Variants in RASSF8 observed in about 807,000 individuals in gnomAD.
RASSF8 encodes the protein ras association domain-containing protein 8.
Under a neutral mutation model 48.5 loss-of-function variants are expected in RASSF8, and 22 were observed. That is an observed-to-expected ratio of 0.45 (90% CI 0.32 to 0.65). RASSF8 has a LOEUF of 0.65. Ranked by LOEUF, RASSF8 falls within the 30% of genes least tolerant of loss-of-function variation. RASSF8 has a pLI of 0.03. For synonymous variants in RASSF8, 127 were observed against 171.5 expected, an observed-to-expected ratio of 0.74 and a Z score of 2.03; for missense variants, 418 against 489.2, an observed-to-expected ratio of 0.85 and a Z score of 1.37.
intron 1 of RASSF8, among the ~76,000 whole-genome samples, chr12:25,977,838 GTC>G (rs1941644655): frequency 6.6e-6 from 1 of 152,196 alleles, no homozygotes; most frequent in Non-Finnish European, 1.5e-5. Flanking sequence ...ACACCAAACA[GTC>G]TGTGGAATTC....
intron 2 of RASSF8, among the ~76,000 whole-genome samples, chr12:26,043,405 G>A (rs535212053): frequency 1.3e-5 from 2 of 152,330 alleles, no homozygotes; most frequent in South Asian, 4.1e-4. Context: ...TTAAGGGGTA[G>A]CACATCAGTA....
chr12:26,040,894 T>G (rs1326268691), intron 2 of RASSF8, among the ~76,000 whole-genome samples: 2 of 151,084 alleles, frequency 1.3e-5, no homozygotes, highest in Admixed American at 6.6e-5. Context: ...ATACATAGTT[T>G]TTTTTTTTTT....
chr12:26,073,959 T>G (rs1047847796), downstream of RASSF8, among the ~76,000 whole-genome samples: 2 of 148,084 alleles, frequency 1.4e-5, no homozygotes, highest in African/African-American at 5.0e-5. Flanking sequence ...TCTATATATA[T>G]AGAGAGAGAG....
chr12:25,980,575 A>G (rs1941717781), intron 1 of RASSF8, among the ~76,000 whole-genome samples: 1 of 152,208 alleles, frequency 6.6e-6, no homozygotes, highest in Non-Finnish European at 1.5e-5. Flanking sequence ...ATGTTGGCCA[A>G]ACAAAACACT....
chr12:26,079,430 A>C, exon 6 of RASSF8: 1 of 158,668 alleles, frequency 6.3e-6, no homozygotes, highest in Non-Finnish European at 1.4e-5. Flanking sequence ...TCTCTACTAA[A>C]AATATGAAAC....
chr12:26,002,651 T>C (rs1280989568), intron 2 of RASSF8, among the ~76,000 whole-genome samples: 1 of 152,152 alleles, frequency 6.6e-6, no homozygotes, highest in Non-Finnish European at 1.5e-5. Flanking sequence ...GGCGCACACC[T>C]GTAATTTCAG....
chr12:26,069,366 A>G lies in RASSF8; in HGVS notation c.*548A>G, dbSNP rs907267147. The G allele has an allele frequency of 1.1e-4, 109 of 984,912 alleles. No individual in the cohort carries two copies. Among genetic ancestry groups the G allele is most frequent in the Middle Eastern group, 1.0e-3 (2 of 1,936 alleles). 61.0% of individuals were successfully genotyped at this position (984,912 alleles called of 1,614,324 possible). On this transcript the variant is annotated 3_prime_UTR_variant, in exon 6 of 6. Coordinates refer to ENST00000689635, the MANE Select transcript of RASSF8 (RefSeq NM_001394098.1). ...ATCGAAGCTAACTCCACAGGAAGCC[A>G]CTTGCATTTGTTTTGTGAAACTGTC...
At chr12:26,027,013 A>G (rs1308841219) in intron 2 of RASSF8, among the ~76,000 whole-genome samples, 2 of 152,216 alleles carry the variant, frequency 1.3e-5, no homozygotes, top group African/African-American at 2.4e-5. Context: ...GAATTAATAG[A>G]TGTGATATAA....
chr12:26,044,226 C>G (rs1943325462), intron 2 of RASSF8, among the ~76,000 whole-genome samples: 1 of 152,028 alleles, frequency 6.6e-6, no homozygotes, highest in Non-Finnish European at 1.5e-5. Context: ...TTGCTTAACC[C>G]ATTTCATTCC....
chr12:26,002,553 A>C (rs1942286308), intron 2 of RASSF8, among the ~76,000 whole-genome samples: 1 of 152,140 alleles, frequency 6.6e-6, no homozygotes, highest in Non-Finnish European at 1.5e-5. Context: ...AGGCGGGCAG[A>C]TCACGAGGTC....
chr12:26,031,781 G>T (rs1329634621), intron 2 of RASSF8, among the ~76,000 whole-genome samples: 1 of 152,100 alleles, frequency 6.6e-6, no homozygotes, highest in Non-Finnish European at 1.5e-5. Flanking sequence ...GATTTCAATA[G>T]CAGCCACACA....
chr12:25,976,479 C>T (rs534286774), intron 1 of RASSF8, among the ~76,000 whole-genome samples: 61 of 152,340 alleles, frequency 4.0e-4, no homozygotes, highest in Admixed American at 3.6e-3. Context: ...ACATTTGTAA[C>T]TTCACTTCAG....
intron 5 of RASSF8, among the ~76,000 whole-genome samples, chr12:26,078,082 A>G (rs1469281731): frequency 6.6e-6 from 1 of 152,178 alleles, no homozygotes; most frequent in South Asian, 2.1e-4. Flanking sequence ...AAGAGTAAAC[A>G]AGTTTTCACT....
chr12:25,964,909 A>G (rs1941321493), intron 1 of RASSF8, among the ~76,000 whole-genome samples: 1 of 152,018 alleles, frequency 6.6e-6, no homozygotes. Flanking sequence ...GACTTCCCTT[A>G]TATTTCTTTT....
intron 1 of RASSF8, among the ~76,000 whole-genome samples, chr12:25,979,771 T>C (rs890430063): frequency 6.6e-6 from 1 of 152,186 alleles, no homozygotes; most frequent in African/African-American, 2.4e-5. Context: ...GGAGAGAGGT[T>C]GAGTACCCAT....
At chr12:26,060,157 A>G (rs920145465) in intron 3 of RASSF8, among the ~76,000 whole-genome samples, 4 of 151,690 alleles carry the variant, frequency 2.6e-5, no homozygotes, top group Admixed American at 2.6e-4. Context: ...TCGGCCTCCC[A>G]AAGTGCTGGG....
At chr12:26,048,896 G>C (rs905995264) in intron 2 of RASSF8, among the ~76,000 whole-genome samples, 1 of 152,046 alleles carries the variant, frequency 6.6e-6, no homozygotes, top group Non-Finnish European at 1.5e-5. Flanking sequence ...TGGGATTACA[G>C]GTGCCCACCA....
chr12:26,051,190 A>T (rs76304922), intron 2 of RASSF8, among the ~76,000 whole-genome samples: 1 of 152,176 alleles, frequency 6.6e-6, no homozygotes, highest in Non-Finnish European at 1.5e-5. Context: ...ATCTAACTTG[A>T]TGAATTATGT....
At chr12:26,042,287 C>G (rs1411491511) in intron 2 of RASSF8, among the ~76,000 whole-genome samples, 1 of 152,126 alleles carries the variant, frequency 6.6e-6, no homozygotes, top group African/African-American at 2.4e-5. Context: ...TCAGGCCTAT[C>G]TATGGGTCTG....
Sources: allele counts gnomAD v4.1 joint callset (sites outside exome capture counted in the v4.1 genomes callset), GRCh38; gene constraint gnomAD v4.1.1; transcripts MANE v1.5; gene names NCBI Gene and HGNC (gene_info 2026-07-23, HGNC 2026-07-21).